Variants in ATP6V0A1 observed in about 807,000 individuals in gnomAD.
The protein encoded by ATP6V0A1 is ATPase H+ transporting V0 subunit a1.
Under a neutral mutation model 105.4 loss-of-function variants are expected in ATP6V0A1, and 43 were observed. That is an observed-to-expected ratio of 0.41 (90% CI 0.32 to 0.53). The LOEUF is 0.53. ATP6V0A1 is among the 20% of genes least tolerant of loss of function. ATP6V0A1 has a pLI of 0.30. For missense variants in ATP6V0A1, 676 were observed against 1,051.1 expected (o/e 0.64, Z 4.93); for synonymous variants, 362 against 372.8 (o/e 0.97, Z 0.33).
At chr17:42,517,350 C>G (rs566034070) in intron 21 of ATP6V0A1, among the ~76,000 whole-genome samples, 16 of 152,158 alleles carry the variant, frequency 1.1e-4, no homozygotes, top group African/African-American at 3.9e-4. Context: ...TGCCTGGGGT[C>G]CCCCATAAAA....
intron 4 of ATP6V0A1, among the ~76,000 whole-genome samples, chr17:42,469,634 C>A (rs2087611354): frequency 6.6e-6 from 1 of 151,534 alleles, no homozygotes; most frequent in Admixed American, 6.6e-5. Flanking sequence ...CCATGCCCGG[C>A]CAGGAAAGAC....
At chr17:42,515,463 T>G (rs1363493750) in intron 21 of ATP6V0A1, among the ~76,000 whole-genome samples, 7 of 102,068 alleles carry the variant, frequency 6.9e-5, no homozygotes, top group East Asian at 2.9e-4. Context: ...AGCGAGACTC[T>G]GTCTCAAAAA....
At chr17:42,502,496 G>GCACA (rs368754662) in intron 17 of ATP6V0A1, among the ~76,000 whole-genome samples, 45 of 150,316 alleles carry the variant, frequency 3.0e-4, no homozygotes, top group African/African-American at 6.6e-4. Context: ...TTCTGCGCGC[G>GCACA]CACACACACA....
intron 14 of ATP6V0A1, among the ~76,000 whole-genome samples, chr17:42,497,321 A>G (rs2091276482): frequency 6.7e-6 from 1 of 149,690 alleles, no homozygotes; most frequent in South Asian, 2.1e-4. Flanking sequence ...AAAAAAAAAA[A>G]TGGTTTGGAC....
At chr17:42,467,364 C>G (rs1252574746) in intron 3 of ATP6V0A1, among the ~76,000 whole-genome samples, 1 of 152,194 alleles carries the variant, frequency 6.6e-6, no homozygotes, top group Non-Finnish European at 1.5e-5. Context: ...GTTGCTCTCT[C>G]TGGCTCAAAA....
chr17:42,482,922 G>T (rs977170155), intron 8 of ATP6V0A1, 116 bp from the exon 9 acceptor site: 724 of 317,364 alleles, frequency 2.3e-3, no homozygotes, highest in Non-Finnish European at 3.3e-3. Flanking sequence ...AAAAAGTGTT[G>T]ACTTAATACA....
intron 19 of ATP6V0A1, chr17:42,513,526 CCT>C (rs920448337): frequency 4.2e-6 from 1 of 240,028 alleles, no homozygotes; most frequent in African/African-American, 2.2e-5. Context: ...AGCACACACT[CCT>C]CTCTTGAGCA....
In ATP6V0A1 at chr17:42,521,992, G is replaced by T. The variant is rs1271174124; in HGVS notation, c.*872G>T. The T allele has an allele frequency of 2.6e-5, 4 of 152,942 alleles. No individual in the cohort carries two copies. The East Asian group carries it at 7.6e-4, about 29-fold the overall frequency. The allele number at this position is 152,942 out of a possible 1,614,324, so 9.5% of individuals were successfully genotyped here. ...CCCACCCCCAATCATGATGTCTTCA[G>T]TGTGGGACTGGGGTCCTCTTGGTTC... On this transcript the variant is annotated 3_prime_UTR_variant, in exon 22 of 22. Coordinates refer to ENST00000343619, the MANE Select transcript of ATP6V0A1 (RefSeq NM_001130021.3). The surrounding 1 kb of genome is among the most constrained non-coding windows in gnomAD (Gnocchi z 4.8).
chr17:42,487,078 G>A, intron 9 of ATP6V0A1, 77 bp from the exon 10 acceptor site: 1 of 1,365,146 alleles, frequency 7.3e-7, no homozygotes, highest in Non-Finnish European at 1.0e-6. Flanking sequence ...AGAAAGCTAT[G>A]CCTCTTTGCC....
At chr17:42,483,294 A>G (rs1452353522) in intron 9 of ATP6V0A1, among the ~76,000 whole-genome samples, 163 bp downstream of exon 9, 1 of 152,252 alleles carries the variant, frequency 6.6e-6, no homozygotes, top group African/African-American at 2.4e-5. Flanking sequence ...CTGAGAAAGT[A>G]TCAGGGAATG....
chr17:42,517,731 A>G (rs1349572644), intron 21 of ATP6V0A1, among the ~76,000 whole-genome samples: 4 of 152,076 alleles, frequency 2.6e-5, no homozygotes, highest in African/African-American at 9.7e-5. Flanking sequence ...CCCTCTTACC[A>G]GGGGTGGAGC....
At chr17:42,474,990 G>A (rs2088540421) in intron 5 of ATP6V0A1, among the ~76,000 whole-genome samples, 1 of 152,180 alleles carries the variant, frequency 6.6e-6, no homozygotes, top group Non-Finnish European at 1.5e-5. Flanking sequence ...AGAACTGTAA[G>A]AGCTGGAGAG....
chr17:42,503,192 T>C (rs2091809511), intron 17 of ATP6V0A1, among the ~76,000 whole-genome samples: 1 of 152,218 alleles, frequency 6.6e-6, no homozygotes. Flanking sequence ...CTTTCATGTC[T>C]GTATTTTGTG....
At chr17:42,483,925 C>T (rs1471033024) in intron 9 of ATP6V0A1, among the ~76,000 whole-genome samples, 6 of 152,148 alleles carry the variant, frequency 3.9e-5, no homozygotes, top group Admixed American at 3.3e-4. Flanking sequence ...ACCATATTGG[C>T]CAGGCTGGTC....
intron 2 of ATP6V0A1, among the ~76,000 whole-genome samples, chr17:42,462,764 T>C (rs1331389243): frequency 1.3e-5 from 2 of 151,792 alleles, no homozygotes; most frequent in Non-Finnish European, 2.9e-5. Context: ...TTTTTTTTAA[T>C]AATAAAATTT....
Position 42,487,212 on chromosome 17 carries a change from A to G in ATP6V0A1, c.868A>G (p.Ile290Val), listed in dbSNP as rs1254060184. ...GGTTCTGCAGGCAGCTGCTAAGAAC[A>G]TCCGTGTCTGGTTCATCAAAGTGCG... ...QRVLQAAAKN[I>V]RVWFIKVRKM... The change falls in exon 10 of 22, where the codon ATC becomes GTC. Residue 290 changes from isoleucine (I) to valine (V), a missense_variant. Ile to Val is a conservative substitution (Grantham distance 29). Coordinates refer to ENST00000343619, the MANE Select transcript of ATP6V0A1 (RefSeq NM_001130021.3). 3 of 1,614,096 alleles carry G rather than the reference A, an allele frequency of 1.9e-6. No individual in the cohort carries two copies. Among genetic ancestry groups the G allele is most frequent in the South Asian group, 1.1e-5 (1 of 91,092 alleles).
intron 19 of ATP6V0A1, 80 bp from the exon 20 acceptor site, chr17:42,513,781 C>A: frequency 7.3e-7 from 1 of 1,368,742 alleles, no homozygotes; most frequent in Non-Finnish European, 1.0e-6. Flanking sequence ...AGGTTCAAAG[C>A]GCCAAGTAGC....
At chr17:42,500,945 C>G (rs2091616825) in intron 16 of ATP6V0A1, 22 bp downstream of exon 16, 1 of 1,590,802 alleles carries the variant, frequency 6.3e-7, no homozygotes, top group African/African-American at 1.3e-5. Context: ...CAGAGGCAGA[C>G]TGTCTGAGAT....
intron 10 of ATP6V0A1, among the ~76,000 whole-genome samples, chr17:42,487,894 A>G (rs2090265547): frequency 6.6e-6 from 1 of 152,210 alleles, no homozygotes; most frequent in African/African-American, 2.4e-5. Flanking sequence ...AGCATAGCAT[A>G]TCTTTATTTT....
Sources: gnomAD v4.1 joint callset for allele counts (sites outside exome capture counted in the v4.1 genomes callset) on GRCh38, gnomAD v4.1.1 for gene constraint, Gnocchi (gnomAD v3.1) non-coding constraint, MANE v1.5 for transcripts, NCBI Gene and HGNC (gene_info 2026-07-23, HGNC 2026-07-21) for gene names.